Variants in ZBTB43 observed in about 807,000 individuals in gnomAD.
The protein encoded by ZBTB43 is zinc finger and BTB domain containing 43.
A neutral mutation model predicts 31.1 loss-of-function variants in ZBTB43; 6 were observed. The observed-to-expected ratio is 0.19, with a 90% confidence interval of 0.11 to 0.38. The LOEUF is 0.38. Ranked by LOEUF, ZBTB43 falls within the 10% of genes least tolerant of loss-of-function variation. ZBTB43 has a pLI of 1.00. For missense variants in ZBTB43, 379 were observed against 602.1 expected, an observed-to-expected ratio of 0.63 and a Z score of 3.88; for synonymous variants, 212 against 221.7, an observed-to-expected ratio of 0.96 and a Z score of 0.39.
At position 126,832,698 on chromosome 9, in the gene ZBTB43, C is replaced by T; in HGVS notation, c.189C>T (p.Leu63=). 1 of 1,614,176 alleles carries T rather than the reference C, an allele frequency of 6.2e-7. No homozygotes were observed. The highest frequency in any genetic ancestry group is 1.6e-4 in the Middle Eastern group (1 of 6,062). The stretch of plus-strand genomic sequence containing the variant: ...CACCCTACTTTTGTGACCAGGTACT[C>T]CTGAAAAACAGCAGGAGAATTGTTT... The part of the protein sequence containing the change: ...ASSPYFCDQV[L]LKNSRRIVLP... The change falls in exon 3 of 3, where the codon CTC becomes CTT. Residue 63 remains leucine (L), a synonymous_variant. Transcript: ENST00000373464.
At chr9:126,826,073 G>A (rs2032628545) in intron 2 of ZBTB43, among the ~76,000 whole-genome samples, 1 of 148,356 alleles carries the variant, frequency 6.7e-6, no homozygotes, top group Non-Finnish European at 1.5e-5. Flanking sequence ...GAGTGCAGTG[G>A]ACTGATCTTG....
intron 2 of ZBTB43, among the ~76,000 whole-genome samples, chr9:126,814,820 G>C (rs1284499822): frequency 6.6e-6 from 1 of 151,956 alleles, no homozygotes; most frequent in Non-Finnish European, 1.5e-5. Context: ...GAAAGAAAAA[G>C]TATTTTGCCT....
At chr9:126,810,495 CTTTTTTTTTTT>C (rs1163411798) in intron 2 of ZBTB43, among the ~76,000 whole-genome samples, 3 of 73,342 alleles carry the variant, frequency 4.1e-5, no homozygotes, top group Non-Finnish European at 7.2e-5. Flanking sequence ...GCCCAGCCGT[CTTTTTTTTTTT>C]TTTTTTTTTT....
chr9:126,811,812 G>A (rs2032255784), intron 2 of ZBTB43, among the ~76,000 whole-genome samples: 1 of 152,136 alleles, frequency 6.6e-6, no homozygotes, highest in Non-Finnish European at 1.5e-5. Flanking sequence ...TTTTAGTAGA[G>A]ACGGGGTTTC....
chr9:126,810,339 C>T (rs1009398514), intron 2 of ZBTB43, among the ~76,000 whole-genome samples: 3 of 151,852 alleles, frequency 2.0e-5, no homozygotes, highest in African/African-American at 7.3e-5. Flanking sequence ...GGATTACAGG[C>T]ATCTGTCAGC....
Position 126,833,027 on chromosome 9 carries a change from A to G in ZBTB43, c.518A>G (p.Asp173Gly), listed in dbSNP as rs1242621571. 1.2e-6 allele frequency: 2 copies of G among 1,613,920 alleles called. No individual in the cohort carries two copies. The highest frequency in any genetic ancestry group is 1.3e-5 in the African/African-American group (1 of 75,004). ...TTTCCCAAAGCCCAAGAACTGAGAG[A>G]TGGTGAAAATGAAGAGGAGAGCACC... The part of the protein sequence containing the change: ...TDFPKAQELR[D>G]GENEEESTKD... The change falls in exon 3 of 3, where the codon GAT becomes GGT. Residue 173 changes from aspartate to glycine, a missense_variant. Physicochemically the swap from Asp to Gly is moderately conservative, Grantham distance 94. Transcript: ENST00000373464. This position sits in a 1 kb window ranked among gnomAD's most constrained non-coding sequence, Gnocchi z 7.9.
rs1368283884 is a variant in ZBTB43 at position 126,835,937 on chromosome 9, CATTAT to C, written c.*2028_*2032del. 2 of 166,946 alleles carry C rather than the reference CATTAT, an allele frequency of 1.2e-5. No homozygotes were observed. Among genetic ancestry groups the C allele is most frequent in the Non-Finnish European group, 2.9e-5 (2 of 68,106 alleles). 10.3% of individuals were successfully genotyped at this position (166,946 alleles called of 1,614,324 possible). A position where few individuals can be genotyped will look rare whatever the true frequency, so the allele number is the denominator to read the frequency against. On this transcript the variant is annotated 3_prime_UTR_variant, in exon 3 of 3. Transcript: ENST00000373464. ...AGTGGGTTTTAGGTATGATCCTAGC[CATTAT>C]ATTTGAGGAGAAATTGTTCTATTAC...
At chr9:126,814,611 G>A (rs919347916) in intron 2 of ZBTB43, among the ~76,000 whole-genome samples, 8 of 152,008 alleles carry the variant, frequency 5.3e-5, no homozygotes, top group Admixed American at 1.3e-4. Flanking sequence ...GGCTAACACA[G>A]TGAAACACTG....
At chr9:126,805,591 TG>T (rs2032108048) in intron 1 of ZBTB43, among the ~76,000 whole-genome samples, 2 of 152,266 alleles carry the variant, frequency 1.3e-5, no homozygotes, top group South Asian at 4.1e-4. Flanking sequence ...CAGCATCCCC[TG>T]TTGCTGTCTC....
At chr9:126,817,477 GTT>G (rs373778326) in intron 2 of ZBTB43, among the ~76,000 whole-genome samples, 5 of 127,708 alleles carry the variant, frequency 3.9e-5, no homozygotes, top group Admixed American at 1.6e-4. Context: ...GTTCCATGAA[GTT>G]TTTTTTTTTT....
chr9:126,808,199 T>G (rs900673256), intron 1 of ZBTB43, among the ~76,000 whole-genome samples: 2 of 152,180 alleles, frequency 1.3e-5, no homozygotes, highest in African/African-American at 4.8e-5. Context: ...GGGGGTTAGT[T>G]TCTAGAACGT....
intron 2 of ZBTB43, among the ~76,000 whole-genome samples, chr9:126,831,148 G>A (rs996967524): frequency 3.3e-5 from 5 of 152,058 alleles, no homozygotes; most frequent in African/African-American, 7.2e-5. Context: ...CAATTGTCCC[G>A]TCCTCACTGC....
rs1199341718 is a variant in ZBTB43, at chr9:126,815,161, ATGTATGTG to A, written c.-24+6260_-24+6267del. Among the ~76,000 whole-genome samples, 5 of 150,538 alleles carry A rather than the reference ATGTATGTG, an allele frequency of 3.3e-5. No homozygotes were observed. The East Asian group carries it at 5.8e-4, about 17-fold the overall frequency. On this transcript the variant is annotated intron_variant, in intron 2 of 2. Coordinates refer to ENST00000373464, the MANE Select transcript of ZBTB43 (RefSeq NM_014007.4). ...GCTGTTGTTTTCACATATGTATAAA[ATGTATGTG>A]TGTATGTGTGTATTGTTTATATATA... is the stretch of plus-strand genomic sequence containing the variant.
intron 2 of ZBTB43, among the ~76,000 whole-genome samples, chr9:126,830,751 T>G (rs1176624531): frequency 3.3e-5 from 5 of 151,710 alleles, no homozygotes; most frequent in Admixed American, 6.6e-5. Context: ...TTTTTTTTTT[T>G]GCTTTAATTA....
intron 2 of ZBTB43, among the ~76,000 whole-genome samples, chr9:126,814,091 T>C (rs1039259267): frequency 3.9e-5 from 6 of 152,160 alleles, no homozygotes; most frequent in African/African-American, 1.4e-4. Context: ...ATTCTTGTCC[T>C]TTGCCTACTT....
At position 126,817,652 on chromosome 9, in the gene ZBTB43, A is replaced by G. The variant is rs947178063; in HGVS notation, c.-24+8737A>G. On this transcript the variant is annotated intron_variant, in intron 2 of 2. Transcript: ENST00000373464. ...CACCACGCCCGGCTAATTATTTTAT[A>G]TTTTTAGTAGAGATGGGGTTTCACT... is the stretch of plus-strand genomic sequence containing the variant. Among the ~76,000 whole-genome samples the G allele has an allele frequency of 7.3e-5, 11 of 150,852 alleles. No homozygotes were observed. In the South Asian group the frequency reaches 1.9e-3, roughly 26 times the overall value.
chr9:126,827,459 G>A (rs1037975637), intron 2 of ZBTB43, among the ~76,000 whole-genome samples: 9 of 152,204 alleles, frequency 5.9e-5, no homozygotes, highest in South Asian at 2.1e-4. Flanking sequence ...GCAGGGCTGC[G>A]GAATGGGGAT....
intron 1 of ZBTB43, among the ~76,000 whole-genome samples, chr9:126,806,130 T>C (rs2032122828): frequency 6.6e-6 from 1 of 152,170 alleles, no homozygotes; most frequent in African/African-American, 2.4e-5. Context: ...CTTCGCTCTA[T>C]CCACTCACCA....
intron 2 of ZBTB43, among the ~76,000 whole-genome samples, chr9:126,817,633 G>A (rs748890489): frequency 4.0e-5 from 6 of 151,854 alleles, no homozygotes; most frequent in South Asian, 4.2e-4. Flanking sequence ...CTGCCACCAC[G>A]CCCGGCTAAT....
Sources: allele counts gnomAD v4.1 joint callset (sites outside exome capture counted in the v4.1 genomes callset), GRCh38; gene constraint gnomAD v4.1.1; non-coding constraint Gnocchi (gnomAD v3.1); transcripts MANE v1.5; gene names NCBI Gene and HGNC (gene_info 2026-07-23, HGNC 2026-07-21).